The following CFAP99 variants were observed in gnomAD, a reference collection of about 807,000 sequenced individuals.
The protein encoded by CFAP99 is cilia and flagella associated protein 99.
Under a neutral mutation model 82.7 loss-of-function variants are expected in CFAP99, and 84 were observed. That is an observed-to-expected ratio of 1.02 (90% CI 0.85 to 1.22). The LOEUF is 1.22. CFAP99 is among the 50% of genes most tolerant of loss of function. CFAP99 has a pLI of 0.00. For synonymous variants in CFAP99, 456 were observed against 429.5 expected, an observed-to-expected ratio of 1.06 and a Z score of -0.76; for missense variants, 1,059 against 983.5, an observed-to-expected ratio of 1.08 and a Z score of -1.03.
chr4:2,443,177 G>C (rs762838381), exon 5 of CFAP99: 39 of 1,535,682 alleles, frequency 2.5e-5, no homozygotes, highest in Middle Eastern at 1.7e-4. Context: ...CATGGATCAA[G>C]GATGAGTGGA....
intron 2 of CFAP99, among the ~76,000 whole-genome samples, chr4:2,435,792 T>G (rs1249265428): frequency 6.6e-6 from 1 of 151,454 alleles, no homozygotes; most frequent in Non-Finnish European, 1.5e-5. Flanking sequence ...GGCATGGTGG[T>G]GTGCATCTGT....
At chr4:2,442,670 G>A (rs963564775) in intron 4 of CFAP99, among the ~76,000 whole-genome samples, 46 of 152,272 alleles carry the variant, frequency 3.0e-4, no homozygotes, top group Non-Finnish European at 6.0e-4. Context: ...ACTGGCTTTC[G>A]GGAAGTTGAC....
exon 12 of CFAP99, chr4:2,458,844 C>T (rs73205493): frequency 0.34 from 524,008 of 1,535,186 alleles, 93,334 homozygotes; most frequent in East Asian, 0.57. Context: ...ACGAAGCTCG[C>T]GAAGGGCCGA....
chr4:2,432,810 G>T (rs1000338792), intron 2 of CFAP99, among the ~76,000 whole-genome samples: 1 of 152,198 alleles, frequency 6.6e-6, no homozygotes. Flanking sequence ...GCAGCCACAG[G>T]CCGGTCTCAG....
chr4:2,442,830 G>A (rs1256964616), intron 4 of CFAP99, among the ~76,000 whole-genome samples: 1 of 152,180 alleles, frequency 6.6e-6, no homozygotes, highest in Non-Finnish European at 1.5e-5. Flanking sequence ...AGAGTTCCGT[G>A]GTGACAGTCC....
In CFAP99 at chr4:2,452,455, C is replaced by T. The variant is rs907753111; in HGVS notation, c.1161+109C>T. On this transcript the variant is annotated intron_variant, in intron 11 of 14. Transcript: ENST00000635017. ...TGGAGCTGAGTGTCCACAGCGCCCCCGTAGAAGCTACTGATGTGTTGGTCC... is the reference window on the plus strand; with the variant it reads ...TGGAGCTGAGTGTCCACAGCGCCCCTGTAGAAGCTACTGATGTGTTGGTCC... The T allele has an allele frequency of 1.0e-5, 12 of 1,160,960 alleles. No individual in the cohort carries two copies. The Admixed American group carries it at 1.3e-4, about 12-fold the overall frequency. 71.9% of individuals were successfully genotyped at this position (1,160,960 alleles called of 1,614,324 possible). A position where few individuals can be genotyped will look rare whatever the true frequency, so the allele number is the denominator to read the frequency against.
At chr4:2,451,091 A>C in intron 9 of CFAP99, 73 bp downstream of exon 9, 3 of 1,486,694 alleles carry the variant, frequency 2.0e-6, no homozygotes, top group Non-Finnish European at 2.7e-6. Flanking sequence ...CTGCCCGTAG[A>C]GGCTCAGATG....
intron 4 of CFAP99, among the ~76,000 whole-genome samples, chr4:2,440,117 C>G (rs1469790365): frequency 6.7e-6 from 1 of 148,440 alleles, no homozygotes; most frequent in Non-Finnish European, 1.5e-5. Context: ...GTTGGGATTA[C>G]AGGCGTGAGC....
chr4:2,447,925 A>T (rs75542400), intron 6 of CFAP99, among the ~76,000 whole-genome samples: 2 of 85,184 alleles, frequency 2.3e-5, no homozygotes, highest in African/African-American at 9.2e-5. Context: ...GAATGAATGG[A>T]TGGGTGGATG....
exon 8 of CFAP99, chr4:2,449,986 C>G: frequency 6.5e-7 from 1 of 1,536,154 alleles, no homozygotes; most frequent in Non-Finnish European, 8.7e-7. Flanking sequence ...ATGCCCAGGT[C>G]CTGCAGGGAG....
intron 2 of CFAP99, among the ~76,000 whole-genome samples, chr4:2,434,039 G>A (rs1372683654): frequency 1.3e-5 from 2 of 152,190 alleles, no homozygotes; most frequent in Admixed American, 6.5e-5. Context: ...AGCAGCTGGG[G>A]TCCCCCAGCC....
At chr4:2,447,925 A>ATGGG (rs1215497422) in intron 6 of CFAP99, among the ~76,000 whole-genome samples, 3 of 85,266 alleles carry the variant, frequency 3.5e-5, no homozygotes, top group African/African-American at 9.2e-5. Context: ...GAATGAATGG[A>ATGGG]TGGGTGGATG....
intron 2 of CFAP99, 142 bp downstream of exon 2, chr4:2,426,728 T>C (rs1165809996): frequency 3.1e-6 from 2 of 636,442 alleles, no homozygotes; most frequent in Non-Finnish European, 5.6e-6. Context: ...CACAGAGACC[T>C]GCTCTTCGTA....
At chr4:2,440,392 C>A (rs1409893313) in intron 4 of CFAP99, among the ~76,000 whole-genome samples, 1 of 142,592 alleles carries the variant, frequency 7.0e-6, no homozygotes, top group Non-Finnish European at 1.5e-5. Context: ...GTGATCCGCC[C>A]GCCTCGGCCT....
At chr4:2,455,090 CA>C (rs1734397126) in intron 11 of CFAP99, among the ~76,000 whole-genome samples, 1 of 151,296 alleles carries the variant, frequency 6.6e-6, no homozygotes, top group Non-Finnish European at 1.5e-5. Context: ...AGGAGAGACA[CA>C]GTTTCGCCAT....
chr4:2,452,215 G>C, exon 11 of CFAP99: 1 of 1,536,164 alleles, frequency 6.5e-7, no homozygotes, highest in Non-Finnish European at 8.7e-7. Context: ...GCAGGCGAAG[G>C]ACCGGGAGGA....
intron 2 of CFAP99, among the ~76,000 whole-genome samples, chr4:2,431,158 G>A (rs1391916759): frequency 6.6e-6 from 1 of 151,670 alleles, no homozygotes; most frequent in African/African-American, 2.4e-5. Flanking sequence ...CACGAGGTCA[G>A]GAGATCGAGA....
At chr4:2,421,404 G>A (rs1376142134) in intron 1 of CFAP99, among the ~76,000 whole-genome samples, 4 of 132,914 alleles carry the variant, frequency 3.0e-5, no homozygotes, top group African/African-American at 5.6e-5. Context: ...GCCCAGGCTG[G>A]AGTGCAGAGG....
At chr4:2,422,988 T>C (rs1473396946) in intron 1 of CFAP99, among the ~76,000 whole-genome samples, 1 of 152,174 alleles carries the variant, frequency 6.6e-6, no homozygotes, top group Non-Finnish European at 1.5e-5. Flanking sequence ...AATTTTTTTG[T>C]AGAGAAGTCC....
Sources: allele counts gnomAD v4.1 joint callset (sites outside exome capture counted in the v4.1 genomes callset), GRCh38; gene constraint gnomAD v4.1.1; transcripts MANE v1.5; gene names NCBI Gene and HGNC (gene_info 2026-07-23, HGNC 2026-07-21).